The following FAM120B variants were observed in gnomAD, a reference collection of about 807,000 sequenced individuals.
FAM120B encodes the protein family with sequence similarity 120 member B.
FAM120B carries 83 observed loss-of-function variants against 96.3 expected under a neutral mutation model. That is an observed-to-expected ratio of 0.86 (90% confidence interval 0.72 to 1.03). The LOEUF (loss-of-function observed/expected upper bound fraction) is 1.03. Among genes scored for constraint, FAM120B ranks in the 50% least tolerant of loss-of-function variants. The pLI is 0.00. For missense variants in FAM120B, 1,027 were observed against 1,121.2 expected, an observed-to-expected ratio of 0.92 and a Z score of 1.20; for synonymous variants, 407 against 402.7, an observed-to-expected ratio of 1.01 and a Z score of -0.13.
chr6:170,321,121 G>A (rs1361403986), intron 2 of FAM120B, among the ~76,000 whole-genome samples: 1 of 152,206 alleles, frequency 6.6e-6, no homozygotes, highest in Non-Finnish European at 1.5e-5. Context: ...GTCGAGAGTT[G>A]TTCACATGGA....
rs145011106 is a variant in FAM120B at position 170,368,229 on chromosome 6, G to A, written c.2283+9911G>A. 1.4e-3 allele frequency among the ~76,000 whole-genome samples: 220 copies of A among 152,302 alleles called. 2 individuals are homozygous for A. Among genetic ancestry groups the A allele is most frequent in the East Asian group, 4.4e-3 (23 of 5,182 alleles). On this transcript the variant is annotated intron_variant, in intron 6 of 10. Transcript: ENST00000476287. ...ACGGTTTGCACCAGGTCAAGGTATA[G>A]TGCATGTCTGAGCTGATCAAAAGGC...
chr6:170,344,265 C>T (rs1245605970), intron 4 of FAM120B, among the ~76,000 whole-genome samples: 2 of 102,656 alleles, frequency 1.9e-5, no homozygotes, highest in Admixed American at 9.7e-5. Context: ...CGGATGAAAT[C>T]GTTCAGTCCA....
rs6912760 is a variant in FAM120B, at chr6:170,337,638, C to T, written c.2017+7088C>T. Among the ~76,000 whole-genome samples, 412 of 152,186 alleles carry T rather than the reference C, an allele frequency of 2.7e-3. 2 individuals are homozygous for T. The highest frequency in any genetic ancestry group is 8.9e-3 in the African/African-American group (371 of 41,526). On this transcript the variant is annotated intron_variant, in intron 4 of 10. Transcript: ENST00000476287. ...TCCTCTTTGTACCTCTGGTAGAATT[C>T]GACTGTGAATCCGTCTGGTCCTGGG...
intron 7 of FAM120B, among the ~76,000 whole-genome samples, chr6:170,388,756 C>G (rs535929007): frequency 6.6e-6 from 1 of 152,278 alleles, no homozygotes; most frequent in Admixed American, 6.5e-5. Context: ...TTTGCATATA[C>G]AGTTGATCCT....
intron 4 of FAM120B, among the ~76,000 whole-genome samples, chr6:170,345,546 T>C (rs1157083422): frequency 6.6e-6 from 1 of 152,262 alleles, no homozygotes; most frequent in Non-Finnish European, 1.5e-5. Context: ...TCATCTTTCA[T>C]GTGGGGCCAC....
intron 5 of FAM120B, 33 bp from the exon 6 acceptor site, chr6:170,358,193 A>G (rs1313057480): frequency 6.6e-7 from 1 of 1,521,140 alleles, no homozygotes; most frequent in Non-Finnish European, 9.0e-7. Context: ...TTTTTCCTGT[A>G]GCCTAACACT....
At chr6:170,378,936 G>C (rs1425538259) in intron 6 of FAM120B, among the ~76,000 whole-genome samples, 3 of 152,264 alleles carry the variant, frequency 2.0e-5, no homozygotes, top group African/African-American at 7.2e-5. Flanking sequence ...CAGTGCCAAG[G>C]GTGGGGGTGT....
chr6:170,364,510 GATTAACTTCATTAAATGGATACCTGCA>G (rs1788653088), intron 6 of FAM120B, among the ~76,000 whole-genome samples: 1 of 152,198 alleles, frequency 6.6e-6, no homozygotes. Context: ...TGCCAACATT[GATTAACTTCATTAAATGGATACCTGCA>G]ATTTAAAAGT....
At chr6:170,361,910 C>T (rs1048725920) in intron 6 of FAM120B, among the ~76,000 whole-genome samples, 24 of 152,196 alleles carry the variant, frequency 1.6e-4, no homozygotes, top group Non-Finnish European at 3.2e-4. Context: ...TCTCATGCCT[C>T]AGCCTTCTGA....
At chr6:170,301,560 T>C (rs1784142577) in intron 1 of FAM120B, among the ~76,000 whole-genome samples, 1 of 152,264 alleles carries the variant, frequency 6.6e-6, no homozygotes. Context: ...AATGGGTTTT[T>C]TTAATCTATT....
At chr6:170,350,992 G>A (rs189369784) in intron 5 of FAM120B, among the ~76,000 whole-genome samples, 19 of 152,274 alleles carry the variant, frequency 1.2e-4, no homozygotes, top group African/African-American at 4.3e-4. Flanking sequence ...AATGAACTTC[G>A]CGGAGCTAAA....
At chr6:170,350,871 CA>C (rs1228811351) in intron 5 of FAM120B, among the ~76,000 whole-genome samples, 1 of 152,144 alleles carries the variant, frequency 6.6e-6, no homozygotes, top group African/African-American at 2.4e-5. Flanking sequence ...CTGAAAAAGC[CA>C]GAGCGCCTTT....
upstream of FAM120B, among the ~76,000 whole-genome samples, chr6:170,302,378 T>C (rs570625864): frequency 1.1e-4 from 16 of 152,138 alleles, no homozygotes; most frequent in Non-Finnish European, 2.2e-4. Context: ...CCATGACATG[T>C]GGAGATTATA....
rs768616758 is a variant in FAM120B at position 170,348,318 on chromosome 6, G to A, written c.2185G>A (p.Val729Ile). The A allele has an allele frequency of 1.2e-6, 2 of 1,612,580 alleles. No homozygotes were observed. Among genetic ancestry groups the A allele is most frequent in the South Asian group, 2.2e-5 (2 of 91,008 alleles). Residue 729 changes from valine (V) to isoleucine (I), a missense_variant, in exon 5 of 11, where the codon GTC becomes ATC. By Grantham distance (29) the Val-to-Ile change is conservative. Transcript: ENST00000476287. Reference protein sequence around the residue: ...ALCCLLIYLFVQVDTLCLEDL... With the variant: ...ALCCLLIYLFIQVDTLCLEDL... ...GTGCTGCCTCTTGATCTACCTCTTT[G>A]TCCAGGTAATGTCCAGCTGCCCGTT... is the stretch of plus-strand genomic sequence containing the variant.
At chr6:170,365,840 C>CT (rs1238714214) in intron 6 of FAM120B, among the ~76,000 whole-genome samples, 2 of 151,996 alleles carry the variant, frequency 1.3e-5, no homozygotes, top group African/African-American at 4.8e-5. Context: ...CTTTTTGAGA[C>CT]TATCAGAATT....
Position 170,342,449 on chromosome 6 carries a change from AAAAAGCACATGTAAGT to A in FAM120B, c.2018-5701_2018-5686del, listed in dbSNP as rs1285595980. Among the ~76,000 whole-genome samples the A allele has an allele frequency of 3.3e-5, 5 of 152,352 alleles. No homozygotes were observed. The East Asian group carries it at 9.6e-4, about 29-fold the overall frequency. ...CCTATTAAAAAACTTATTTCCATGT[AAAAAGCACATGTAAGT>A]GCCATGGCTTAGCGTCCAGCATGCC... On this transcript the variant is annotated intron_variant, in intron 4 of 10. Transcript: ENST00000476287.
chr6:170,299,391 C>T (rs753452464), intron 1 of FAM120B, among the ~76,000 whole-genome samples: 6 of 152,166 alleles, frequency 3.9e-5, no homozygotes, highest in Non-Finnish European at 7.3e-5. Context: ...TGCTGGGATG[C>T]GCAATGTGTG....
Position 170,310,810 on chromosome 6 carries a change from A to T in FAM120B, c.-22+3968A>T, listed in dbSNP as rs556864389. On this transcript the variant is annotated intron_variant, in intron 1 of 10. Transcript: ENST00000476287. ...CCAACCAAAGCTCTCTGCTTCTCAGAGGACTCCGAGTCTTTGTTTGCCTCC... is the reference window on the plus strand; with the variant it reads ...CCAACCAAAGCTCTCTGCTTCTCAGTGGACTCCGAGTCTTTGTTTGCCTCC... Among the ~76,000 whole-genome samples, 22 of 152,316 alleles carry T rather than the reference A, an allele frequency of 1.4e-4. No individual in the cohort carries two copies. In the East Asian group the frequency reaches 4.2e-3, roughly 29 times the overall value.
At chr6:170,346,763 A>T (rs1398667287) in intron 4 of FAM120B, among the ~76,000 whole-genome samples, 1 of 151,446 alleles carries the variant, frequency 6.6e-6, no homozygotes, top group Non-Finnish European at 1.5e-5. Flanking sequence ...TTCTTAGTTC[A>T]TGGGGTGCAT....
Sources: gnomAD v4.1 joint callset for allele counts (sites outside exome capture counted in the v4.1 genomes callset) on GRCh38, gnomAD v4.1.1 for gene constraint, MANE v1.5 for transcripts, NCBI Gene and HGNC (gene_info 2026-07-23, HGNC 2026-07-21) for gene names.